Variants in LEPR observed in about 807,000 individuals in gnomAD.
LEPR encodes the protein leptin receptor.
Under a neutral mutation model 114.7 loss-of-function variants are expected in LEPR, and 56 were observed. The observed-to-expected ratio is 0.49, with a 90% CI of 0.39 to 0.61. LEPR has a LOEUF of 0.61. LEPR is among the 20% of genes least tolerant of loss of function. The pLI, the probability that LEPR is intolerant of heterozygous loss-of-function variation, is 0.00. For missense variants in LEPR, 1,202 were observed against 1,352.9 expected, an observed-to-expected ratio of 0.89 and a Z score of 1.75; for synonymous variants, 443 against 461.4, an observed-to-expected ratio of 0.96 and a Z score of 0.51.
intron 2 of LEPR, among the ~76,000 whole-genome samples, chr1:65,526,795 T>A (rs1454005885): frequency 1.3e-5 from 2 of 152,298 alleles, no homozygotes; most frequent in African/African-American, 4.8e-5. Context: ...ATCTAAGGTA[T>A]GCCCCAGAAT....
intron 5 of LEPR, among the ~76,000 whole-genome samples, chr1:65,585,523 A>G (rs138479101): frequency 2.3e-4 from 35 of 152,156 alleles, no homozygotes; most frequent in African/African-American, 8.4e-4. Context: ...GTGTAAAAAT[A>G]TTACCAAAAA....
chr1:65,435,407 G>T (rs1427243555), intron 2 of LEPR: 4 of 803,468 alleles, frequency 5.0e-6, no homozygotes, highest in Non-Finnish European at 5.8e-6. Flanking sequence ...TCGCTCTGTT[G>T]CCCAGGCTGG....
intron 2 of LEPR, among the ~76,000 whole-genome samples, chr1:65,428,979 T>A (rs1646432417): frequency 6.6e-6 from 1 of 152,178 alleles, no homozygotes; most frequent in South Asian, 2.1e-4. Context: ...TTTTCATGCC[T>A]TCCGTACTTA....
chr1:65,449,260 C>CTTTTTTTTTTTTT (rs201429452), intron 2 of LEPR, among the ~76,000 whole-genome samples: 1 of 118,562 alleles, frequency 8.4e-6, no homozygotes, highest in African/African-American at 3.1e-5. Context: ...TTTTATTTAT[C>CTTTTTTTTTTTTT]TTTTTTTTTT....
At chr1:65,526,633 T>C (rs530914438) in intron 2 of LEPR, among the ~76,000 whole-genome samples, 1 of 152,334 alleles carries the variant, frequency 6.6e-6, no homozygotes, top group African/African-American at 2.4e-5. Context: ...TTCACGGCTC[T>C]GGAATTGGAA....
At chr1:65,632,132 C>T (rs1277546362) in intron 19 of LEPR, among the ~76,000 whole-genome samples, 1 of 152,098 alleles carries the variant, frequency 6.6e-6, no homozygotes, top group African/African-American at 2.4e-5. Flanking sequence ...AGCCCTAGGC[C>T]TCCAAATAAA....
intron 2 of LEPR, among the ~76,000 whole-genome samples, chr1:65,514,553 A>T (rs1026708462): frequency 1.3e-5 from 2 of 152,228 alleles, no homozygotes; most frequent in South Asian, 2.1e-4. Flanking sequence ...TAATCTGAAG[A>T]TGCCTTTGAT....
At position 65,592,870 on chromosome 1, in the gene LEPR, G is replaced by A; in HGVS notation, c.703+5G>A. ...CAGTTCAGCCCATAAATATGGGTAA[G>A]TTATGCACTAAAATGATGATAATAG... On this transcript the variant is annotated splice_donor_5th_base_variant and intron_variant, in intron 6 of 19. Transcript: ENST00000349533. The A allele has an allele frequency of 6.2e-7, 1 of 1,612,600 alleles. No individual in the cohort carries two copies. Among genetic ancestry groups the A allele is most frequent in the Non-Finnish European group, 8.5e-7 (1 of 1,178,946 alleles).
At chr1:65,429,644 G>A (rs1646448142) in intron 2 of LEPR, among the ~76,000 whole-genome samples, 1 of 152,026 alleles carries the variant, frequency 6.6e-6, no homozygotes, top group Non-Finnish European at 1.5e-5. Context: ...TTATATAGTG[G>A]CTTCTTAACA....
chr1:65,509,707 C>A (rs1221138078), intron 2 of LEPR, among the ~76,000 whole-genome samples: 1 of 152,124 alleles, frequency 6.6e-6, no homozygotes. Flanking sequence ...GGAATTAACA[C>A]ACAATTGTTT....
At chr1:65,580,690 G>T (rs1002429619) in intron 5 of LEPR, among the ~76,000 whole-genome samples, 1 of 152,190 alleles carries the variant, frequency 6.6e-6, no homozygotes, top group Non-Finnish European at 1.5e-5. Flanking sequence ...CTCAGCCCTT[G>T]CCCTCCTGGA....
rs1243103443 is a variant in LEPR at position 65,641,437 on chromosome 1, T to C, written c.*4422T>C. ...CACTAACTGTTCTATGAAATTTGTCTACTTCTCCTTTATGTTCCCAAAGTC... is the reference window on the plus strand; with the variant it reads ...CACTAACTGTTCTATGAAATTTGTCCACTTCTCCTTTATGTTCCCAAAGTC... On this transcript the variant is annotated 3_prime_UTR_variant, in exon 20 of 20. Coordinates refer to ENST00000349533, the MANE Select transcript of LEPR (RefSeq NM_002303.6). The C allele has an allele frequency of 1.3e-5, 2 of 152,248 alleles. No homozygotes were observed. Among genetic ancestry groups the C allele is most frequent in the African/African-American group, 4.8e-5 (2 of 41,472 alleles). 9.4% of individuals were successfully genotyped at this position (152,248 alleles called of 1,614,324 possible).
intron 6 of LEPR, among the ~76,000 whole-genome samples, chr1:65,593,334 G>A (rs1484367010): frequency 6.6e-6 from 1 of 152,022 alleles, no homozygotes; most frequent in Non-Finnish European, 1.5e-5. Flanking sequence ...TGATAAAAGA[G>A]TAAATGAGTA....
chr1:65,518,182 A>G (rs1342208764), intron 2 of LEPR, among the ~76,000 whole-genome samples: 3 of 152,176 alleles, frequency 2.0e-5, no homozygotes, highest in Non-Finnish European at 4.4e-5. Flanking sequence ...TTGGAGGTCC[A>G]ATAGCTTTCT....
At chr1:65,604,981 A>G in intron 10 of LEPR, 57 bp from the exon 11 acceptor site, 2 of 1,592,128 alleles carry the variant, frequency 1.3e-6, no homozygotes, top group South Asian at 1.1e-5. Context: ...ATTCTCAGAT[A>G]TCTTCTTGTT....
chr1:65,577,973 C>G (rs1299987936), intron 5 of LEPR, among the ~76,000 whole-genome samples: 1 of 151,194 alleles, frequency 6.6e-6, no homozygotes, highest in Non-Finnish European at 1.5e-5. Flanking sequence ...TCCCACCCCC[C>G]TACAGGCCCC....
At chr1:65,583,824 A>G (rs572476460) in intron 5 of LEPR, among the ~76,000 whole-genome samples, 4 of 152,302 alleles carry the variant, frequency 2.6e-5, no homozygotes, top group African/African-American at 9.6e-5. Flanking sequence ...ATTGGTAGAC[A>G]AAGACAGCTA....
intron 2 of LEPR, among the ~76,000 whole-genome samples, chr1:65,556,344 G>A (rs1165778682): frequency 6.6e-6 from 1 of 152,130 alleles, no homozygotes; most frequent in Non-Finnish European, 1.5e-5. Context: ...CATTCCAGGG[G>A]AATGTTAGGC....
intron 1 of LEPR, among the ~76,000 whole-genome samples, chr1:65,423,231 G>A (rs183879797): frequency 2.0e-5 from 3 of 152,256 alleles, no homozygotes; most frequent in Admixed American, 2.0e-4. Flanking sequence ...CATCAGTTGC[G>A]GCCGGGCCCT....
Sources: gnomAD v4.1 joint callset for allele counts (sites outside exome capture counted in the v4.1 genomes callset) on GRCh38, gnomAD v4.1.1 for gene constraint, MANE v1.5 for transcripts, NCBI Gene and HGNC (gene_info 2026-07-23, HGNC 2026-07-21) for gene names.